Variants in SGCZ observed in about 807,000 individuals in gnomAD.
SGCZ encodes the protein sarcoglycan zeta, also known as zeta-sarcoglycan.
A neutral mutation model predicts 41.3 loss-of-function variants in SGCZ; 40 were observed. The ratio of observed to expected loss-of-function variants is 0.97; its 90% CI spans 0.75 to 1.26. The LOEUF (loss-of-function observed/expected upper bound fraction) is 1.26, where lower values mean the gene tolerates loss of function less well. Among genes scored for constraint, SGCZ ranks in the 50% most tolerant of loss-of-function variants. The pLI, the probability that SGCZ is intolerant of heterozygous loss-of-function variation, is 0.00. For missense variants in SGCZ, 552 were observed against 369.8 expected, an observed-to-expected ratio of 1.49 and a Z score of -4.04; for synonymous variants, 206 against 137.5, an observed-to-expected ratio of 1.50 and a Z score of -3.49.
At chr8:14,924,537 C>CA (rs35705220) in intron 1 of SGCZ, among the ~76,000 whole-genome samples, 34 of 147,928 alleles carry the variant, frequency 2.3e-4, no homozygotes, top group African/African-American at 6.2e-4. Context: ...TGAATAAGTA[C>CA]AAAAAAAAAA....
intron 1 of SGCZ, among the ~76,000 whole-genome samples, chr8:14,643,787 G>T (rs1807111182): frequency 6.6e-6 from 1 of 151,642 alleles, no homozygotes; most frequent in Admixed American, 6.6e-5. Context: ...CTTCAAACAA[G>T]TCACATCCTA....
chr8:14,847,809 CCTGA>C (rs1426801594), intron 1 of SGCZ, among the ~76,000 whole-genome samples: 3 of 123,994 alleles, frequency 2.4e-5, no homozygotes, highest in African/African-American at 8.6e-5. Context: ...AAAAAAAAAA[CCTGA>C]CTGTTTTCTC....
At chr8:14,592,538 C>G (rs374745540) in intron 1 of SGCZ, among the ~76,000 whole-genome samples, 188 of 151,796 alleles carry the variant, frequency 1.2e-3, no homozygotes, top group Middle Eastern at 6.8e-3. Flanking sequence ...CTTGGTATAT[C>G]TCATGCATAT....
At chr8:14,308,702 C>A (rs1365276410) in intron 3 of SGCZ, among the ~76,000 whole-genome samples, 1 of 151,744 alleles carries the variant, frequency 6.6e-6, no homozygotes, top group Non-Finnish European at 1.5e-5. Flanking sequence ...ATGAAGATAC[C>A]GTGTGTTTCA....
At chr8:14,680,560 AT>A (rs1808408839) in intron 1 of SGCZ, among the ~76,000 whole-genome samples, 1 of 143,556 alleles carries the variant, frequency 7.0e-6, no homozygotes. Flanking sequence ...GGAGCAAGAA[AT>A]CTCACAGATA....
intron 1 of SGCZ, among the ~76,000 whole-genome samples, chr8:14,651,290 T>TCC (rs1807390231): frequency 3.9e-5 from 6 of 152,082 alleles, no homozygotes; most frequent in African/African-American, 7.2e-5. Flanking sequence ...GAGGGCATTT[T>TCC]ATGAAAATAT....
In SGCZ at chr8:14,615,012, G is replaced by GTA. The variant is rs145037808; in HGVS notation, c.40-60088_40-60087dup. Among the ~76,000 whole-genome samples the GTA allele has an allele frequency of 4.7e-4, 61 of 130,922 alleles. No individual in the cohort carries two copies. The East Asian group carries it at 6.8e-3, about 15-fold the overall frequency. 85.9% of individuals were successfully genotyped at this position (130,922 alleles called of 152,430 possible). On this transcript the variant is annotated intron_variant, in intron 1 of 7. Coordinates refer to ENST00000382080, the MANE Select transcript of SGCZ (RefSeq NM_139167.4). ...TGTGTGTATATATGTGTGTGTGTGT[G>GTA]TATATATATATATGAAAGCTTGTTA...
At chr8:14,759,584 A>AT (rs1799795762) in intron 1 of SGCZ, among the ~76,000 whole-genome samples, 2 of 152,166 alleles carry the variant, frequency 1.3e-5, no homozygotes. Flanking sequence ...TAGATACGCT[A>AT]TTAAGATTCA....
chr8:14,360,023 T>C (rs1438466848), intron 2 of SGCZ, among the ~76,000 whole-genome samples: 1 of 152,134 alleles, frequency 6.6e-6, no homozygotes, highest in African/African-American at 2.4e-5. Flanking sequence ...TATAGTCATT[T>C]CAGTTAATGC....
chr8:15,174,913 T>G (rs1167179526), intron 1 of SGCZ, among the ~76,000 whole-genome samples: 5 of 150,154 alleles, frequency 3.3e-5, no homozygotes, highest in Non-Finnish European at 7.3e-5. Context: ...GTAAATTAAT[T>G]CAACTGTCAT....
At chr8:14,575,141 C>A (rs911126889) in intron 1 of SGCZ, among the ~76,000 whole-genome samples, 14 of 152,090 alleles carry the variant, frequency 9.2e-5, no homozygotes, top group African/African-American at 3.4e-4. Context: ...TTAGTGAAGA[C>A]TGGAGAATAA....
chr8:15,153,047 T>C lies in SGCZ; in HGVS notation c.39+84538A>G, dbSNP rs890658595. Among the ~76,000 whole-genome samples the C allele has an allele frequency of 1.6e-4, 25 of 152,320 alleles. No homozygotes were observed. The East Asian group carries it at 4.6e-3, about 28-fold the overall frequency. Reference sequence around the variant, plus strand: ...AAAGATTTTGCTCAATGGCCGTCAATAACTTAACCAGAGTTTCTCATCTAA... The same window carrying C: ...AAAGATTTTGCTCAATGGCCGTCAACAACTTAACCAGAGTTTCTCATCTAA... On this transcript the variant is annotated intron_variant, in intron 1 of 7. Transcript: ENST00000382080.
chr8:14,879,804 A>T (rs1300404057), intron 1 of SGCZ: 1 of 151,932 alleles, frequency 6.6e-6, no homozygotes, highest in Non-Finnish European at 1.5e-5. Flanking sequence ...GTAGATTAAA[A>T]AAAAAAAAAG....
chr8:14,721,672 C>A (rs1378278866), intron 1 of SGCZ, among the ~76,000 whole-genome samples: 4 of 152,336 alleles, frequency 2.6e-5, no homozygotes, highest in Non-Finnish European at 5.9e-5. Flanking sequence ...CTATTTCTGT[C>A]CTTTTCCTAT....
intron 1 of SGCZ, among the ~76,000 whole-genome samples, chr8:14,982,990 G>C (rs1358174782): frequency 1.3e-5 from 2 of 152,134 alleles, no homozygotes; most frequent in Non-Finnish European, 2.9e-5. Context: ...TAGCTATTTG[G>C]CCTGGAGTAA....
chr8:14,953,101 C>G (rs1800691563), intron 1 of SGCZ, among the ~76,000 whole-genome samples: 1 of 152,112 alleles, frequency 6.6e-6, no homozygotes, highest in African/African-American at 2.4e-5. Flanking sequence ...CTCTATGCGT[C>G]CGTTCTCACA....
chr8:14,433,967 T>TAAAG (rs1179733195), intron 2 of SGCZ, among the ~76,000 whole-genome samples: 3 of 152,198 alleles, frequency 2.0e-5, no homozygotes, highest in Non-Finnish European at 4.4e-5. Flanking sequence ...CAAAAGCTCT[T>TAAAG]TCGTTTAAGT....
intron 3 of SGCZ, among the ~76,000 whole-genome samples, chr8:14,268,806 G>C (rs917040666): frequency 2.0e-5 from 3 of 151,532 alleles, no homozygotes; most frequent in South Asian, 2.1e-4. Flanking sequence ...ATTTAGTCTG[G>C]AATATAAAAC....
chr8:14,169,065 G>C (rs1301705911), intron 4 of SGCZ, among the ~76,000 whole-genome samples: 1 of 152,152 alleles, frequency 6.6e-6, no homozygotes, highest in Non-Finnish European at 1.5e-5. Flanking sequence ...AAGGCTGTTT[G>C]AGTACTAAGT....
Sources: allele counts gnomAD v4.1 joint callset (sites outside exome capture counted in the v4.1 genomes callset), GRCh38; gene constraint gnomAD v4.1.1; transcripts MANE v1.5; gene names NCBI Gene and HGNC (gene_info 2026-07-23, HGNC 2026-07-21).